Variants in CHRDL1 observed in about 807,000 individuals in gnomAD.
CHRDL1 encodes the protein chordin like 1.
In CHRDL1, 19 loss-of-function variants were observed where a neutral mutation model predicts 40.9. The observed-to-expected ratio is 0.46, with a 90% CI of 0.32 to 0.68. CHRDL1 has a LOEUF of 0.68. Ranked by LOEUF, CHRDL1 falls within the 30% of genes least tolerant of loss-of-function variation. The pLI, the probability that CHRDL1 is intolerant of heterozygous loss-of-function variation, is 0.03. For synonymous variants in CHRDL1, 136 were observed against 123.4 expected, an observed-to-expected ratio of 1.10 and a Z score of -0.68; for missense variants, 329 against 352.1, an observed-to-expected ratio of 0.93 and a Z score of 0.53.
At chrX:110,706,559 A>T (rs763929699) in intron 6 of CHRDL1, among the ~76,000 whole-genome samples, 1 of 111,290 alleles carries the variant, frequency 9.0e-6, no homozygotes, top group Non-Finnish European at 1.9e-5. Context: ...ACTGTTTATA[A>T]CTCCTGTGGC....
At chrX:110,719,160 A>G (rs752281952) in intron 6 of CHRDL1, among the ~76,000 whole-genome samples, 24 of 111,588 alleles carry the variant, frequency 2.2e-4, no homozygotes, top group Non-Finnish European at 3.8e-4. Context: ...GAAAGTGGGA[A>G]AAGGGAGAGA....
chrX:110,777,911 A>G (rs1309361748), intron 2 of CHRDL1, among the ~76,000 whole-genome samples: 4 of 111,411 alleles, frequency 3.6e-5, no homozygotes, highest in Non-Finnish European at 7.6e-5. Context: ...TTGTATCTAA[A>G]AAGTAATTGC....
At chrX:110,689,931 C>T (rs868011734) in intron 8 of CHRDL1, among the ~76,000 whole-genome samples, 2 of 11,003 alleles carry the variant, frequency 1.8e-4, no homozygotes, top group Admixed American at 9.0e-4. Context: ...ATCTATATAT[C>T]TATATATATC....
chrX:110,708,436 T>C lies in CHRDL1; in HGVS notation c.542-7715A>G, dbSNP rs184425324. On this transcript the variant is annotated intron_variant, in intron 6 of 11. Transcript: ENST00000372042. The stretch of plus-strand genomic sequence containing the variant: ...TGGGATAAAGAAAATGTGACACATA[T>C]ACACCATGGAATACTATACAGCCAT... Among the ~76,000 whole-genome samples the C allele has an allele frequency of 3.1e-3, 350 of 111,321 alleles. 2 individuals are homozygous for C. The highest frequency in any genetic ancestry group is 0.014 in the Middle Eastern group (3 of 216).
intron 2 of CHRDL1, among the ~76,000 whole-genome samples, chrX:110,775,725 A>G (rs904185283): frequency 2.7e-5 from 3 of 110,906 alleles, no homozygotes; most frequent in African/African-American, 9.8e-5. Flanking sequence ...TTGATTTGCT[A>G]GTTTAATATT....
chrX:110,728,533 C>T (rs2071098514), intron 4 of CHRDL1, among the ~76,000 whole-genome samples: 1 of 111,363 alleles, frequency 9.0e-6, no homozygotes, highest in Admixed American at 9.6e-5. Flanking sequence ...CTTTGTGTTC[C>T]CAGTCTTATT....
At chrX:110,692,914 G>A (rs1170468228) in intron 8 of CHRDL1, among the ~76,000 whole-genome samples, 2 of 111,940 alleles carry the variant, frequency 1.8e-5, no homozygotes, top group Non-Finnish European at 3.8e-5. Flanking sequence ...TCTTTGTAAC[G>A]GATTGTTTTT....
intron 8 of CHRDL1, among the ~76,000 whole-genome samples, chrX:110,691,535 T>A (rs1452473395): frequency 9.1e-6 from 1 of 110,483 alleles, no homozygotes; most frequent in Non-Finnish European, 1.9e-5. Flanking sequence ...CAACAACATC[T>A]CTAGGGTGGG....
At position 110,696,470 on chromosome X, in the gene CHRDL1, T is replaced by C. The variant is rs540282607; in HGVS notation, c.610-2139A>G. Among the ~76,000 whole-genome samples, 91 of 109,943 alleles carry C rather than the reference T, an allele frequency of 8.3e-4. 1 individual carries two copies. The highest frequency in any genetic ancestry group is 2.9e-3 in the African/African-American group (88 of 30,063). ...AGTTTACTCATGGTGATAATGAAGATTGAGTTTTTGGAGATGGTAGGAGTG... is the reference window on the plus strand; with the variant it reads ...AGTTTACTCATGGTGATAATGAAGACTGAGTTTTTGGAGATGGTAGGAGTG... On this transcript the variant is annotated intron_variant, in intron 7 of 11. Transcript: ENST00000372042.
chrX:110,775,248 T>C lies in CHRDL1; in HGVS notation c.95-12441A>G, dbSNP rs556553688. On this transcript the variant is annotated intron_variant, in intron 2 of 11. Coordinates refer to ENST00000372042, the MANE Select transcript of CHRDL1 (RefSeq NM_001143981.2). The stretch of plus-strand genomic sequence containing the variant: ...GTCAGTAGCTGGTAGGTTTGAAGTG[T>C]TGACAATAAGAGGATGCAGTGTATC... 1.7e-4 allele frequency among the ~76,000 whole-genome samples: 19 copies of C among 111,468 alleles called. No homozygotes were observed. The South Asian group carries it at 6.4e-3, about 38-fold the overall frequency.
intron 6 of CHRDL1, among the ~76,000 whole-genome samples, chrX:110,706,946 G>C (rs1326439948): frequency 1.8e-5 from 2 of 112,215 alleles, no homozygotes; most frequent in Non-Finnish European, 3.8e-5. Context: ...GTTGAAATGA[G>C]CAGAATCAGG....
chrX:110,732,845 C>T (rs1008765361), intron 4 of CHRDL1, among the ~76,000 whole-genome samples: 1 of 111,972 alleles, frequency 8.9e-6, no homozygotes, highest in Non-Finnish European at 1.9e-5. Flanking sequence ...TGTGATGGAA[C>T]TGCTATCACT....
At chrX:110,715,268 C>T (rs1051382851) in intron 6 of CHRDL1, among the ~76,000 whole-genome samples, 2 of 111,225 alleles carry the variant, frequency 1.8e-5, no homozygotes, top group Non-Finnish European at 3.8e-5. Flanking sequence ...GATCTGTTAC[C>T]ACAAGAAGAA....
intron 4 of CHRDL1, among the ~76,000 whole-genome samples, chrX:110,756,278 C>G (rs771173194): frequency 8.9e-6 from 1 of 111,942 alleles, no homozygotes; most frequent in Admixed American, 9.5e-5. Flanking sequence ...GAAAGTACAG[C>G]AATAAATGGG....
At chrX:110,679,498 C>G in intron 10 of CHRDL1, 73 bp from the exon 11 acceptor site, 2 of 678,611 alleles carry the variant, frequency 2.9e-6, no homozygotes, top group Non-Finnish European at 4.8e-6. Flanking sequence ...TTTTTCTGCT[C>G]AGGCTCAGCA....
intron 8 of CHRDL1, among the ~76,000 whole-genome samples, chrX:110,692,618 G>A (rs5943055): frequency 0.49 from 54,046 of 111,181 alleles, 11,254 homozygotes; most frequent in African/African-American, 0.79. Context: ...TGAAAATCAA[G>A]CTATCTTTAC....
chrX:110,688,509 G>T, intron 9 of CHRDL1, 85 bp downstream of exon 9: 1 of 591,918 alleles, frequency 1.7e-6, no homozygotes, highest in Non-Finnish European at 2.9e-6. Flanking sequence ...TATATGAAAG[G>T]TTATGTTTCT....
intron 6 of CHRDL1, among the ~76,000 whole-genome samples, chrX:110,713,775 T>C (rs1280786708): frequency 8.9e-6 from 1 of 112,759 alleles, no homozygotes; most frequent in Non-Finnish European, 1.9e-5. Flanking sequence ...ATTCCACACA[T>C]AAGTGCTTAG....
At chrX:110,730,672 T>C (rs1024708430) in intron 4 of CHRDL1, among the ~76,000 whole-genome samples, 1 of 110,590 alleles carries the variant, frequency 9.0e-6, no homozygotes, top group Middle Eastern at 4.2e-3. Context: ...AGCCTCAAAG[T>C]CCTGGGATCA....
Sources: gnomAD v4.1 joint callset for allele counts (sites outside exome capture counted in the v4.1 genomes callset) on GRCh38, gnomAD v4.1.1 for gene constraint, MANE v1.5 for transcripts, NCBI Gene and HGNC (gene_info 2026-07-23, HGNC 2026-07-21) for gene names.